NRDC: variants seen among roughly 807,000 people sequenced by gnomAD.
The protein encoded by NRDC is nardilysin.
NRDC carries 54 observed loss-of-function variants against 147.1 expected under a neutral mutation model. That is an observed-to-expected ratio of 0.37 (90% confidence interval 0.29 to 0.46). The LOEUF (loss-of-function observed/expected upper bound fraction) is 0.46. Among genes scored for constraint, NRDC ranks in the 20% least tolerant of loss-of-function variants. NRDC has a pLI of 1.00. For synonymous variants in NRDC, 440 were observed against 482.1 expected (o/e 0.91, Z 1.14); for missense variants, 1,082 against 1,370.6 (o/e 0.79, Z 3.33).
chr1:51,851,599 T>C (rs1270849576), intron 1 of NRDC, among the ~76,000 whole-genome samples: 1 of 152,038 alleles, frequency 6.6e-6, no homozygotes, highest in Non-Finnish European at 1.5e-5. Context: ...CCACAGTATT[T>C]TTTAAGACTC....
chr1:51,806,929 A>G lies in NRDC; in HGVS notation c.1991-16T>C. On this transcript the variant is annotated splice_polypyrimidine_tract_variant and intron_variant, in intron 17 of 30. Transcript: ENST00000352171. The stretch of plus-strand genomic sequence containing the variant: ...AAGTCCGTGGCTAATAAAAGAAGAT[A>G]ATAATAATTCACTCAAGTATTTCAG... The G allele has an allele frequency of 6.2e-7, 1 of 1,610,076 alleles. No homozygotes were observed. The highest frequency in any genetic ancestry group is 8.5e-7 in the Non-Finnish European group (1 of 1,178,714).
chr1:51,836,375 T>C, intron 2 of NRDC, 163 bp from the exon 3 acceptor site: 1 of 1,613,422 alleles, frequency 6.2e-7, no homozygotes, highest in Non-Finnish European at 8.5e-7. Context: ...TCACCAGAAC[T>C]GTGTCAGTTT....
chr1:51,870,782 T>G (rs953304773), intron 1 of NRDC, among the ~76,000 whole-genome samples: 4 of 144,190 alleles, frequency 2.8e-5, no homozygotes, highest in Non-Finnish European at 4.4e-5. Context: ...ACAGACAGTA[T>G]TAATAATTAG....
intron 24 of NRDC, among the ~76,000 whole-genome samples, chr1:51,792,769 T>G (rs1461573579): frequency 6.6e-6 from 1 of 152,178 alleles, no homozygotes; most frequent in Non-Finnish European, 1.5e-5. Context: ...CAGGAAATGT[T>G]TGGGGATCCT....
intron 22 of NRDC, 93 bp downstream of exon 22, chr1:51,798,156 C>T: frequency 7.5e-7 from 1 of 1,337,532 alleles, no homozygotes; most frequent in Non-Finnish European, 1.0e-6. Context: ...GCTGGCCTGC[C>T]AAAACTACAG....
intron 24 of NRDC, 61 bp downstream of exon 24, chr1:51,794,411 C>A: frequency 1.3e-6 from 2 of 1,562,000 alleles, no homozygotes; most frequent in South Asian, 2.3e-5. Context: ...CCTTGAAGGT[C>A]ACGGGGTCCC....
intron 2 of NRDC, among the ~76,000 whole-genome samples, chr1:51,836,710 C>G (rs944666683): frequency 6.6e-6 from 1 of 151,894 alleles, no homozygotes; most frequent in Non-Finnish European, 1.5e-5. Flanking sequence ...AATAAGATAA[C>G]ATTTTAGGAA....
chr1:51,817,002 A>T (rs912319074), intron 10 of NRDC, among the ~76,000 whole-genome samples: 4 of 152,238 alleles, frequency 2.6e-5, no homozygotes, highest in Admixed American at 2.0e-4. Flanking sequence ...AATTGTGCAC[A>T]TGCTGTTCAA....
In NRDC at chr1:51,790,587, C is replaced by T. The variant is rs1445594216; in HGVS notation, c.3114G>A (p.Arg1038=). 1 of 1,614,082 alleles carries T rather than the reference C, an allele frequency of 6.2e-7. No homozygotes were observed. The change falls in exon 29 of 31, where the codon AGG becomes AGA. Residue 1038 remains arginine, a synonymous_variant. Transcript: ENST00000352171. ...EDTHLGEEVD[R]NWNEVVTQQY... is the part of the protein sequence containing the mutation. The stretch of plus-strand genomic sequence containing the variant: ...GCTGTGTAACCACTTCATTCCAGTT[C>T]CTATCCACCTCCTCCCCAAGGTGGG...
At chr1:51,836,004 C>T in intron 3 of NRDC, 127 bp downstream of exon 3, 2 of 719,802 alleles carry the variant, frequency 2.8e-6, no homozygotes, top group Non-Finnish European at 2.4e-6. Flanking sequence ...AGGATTTTTT[C>T]TTAGCCTTTT....
intron 22 of NRDC, 99 bp downstream of exon 22, chr1:51,798,150 G>A: frequency 8.2e-7 from 1 of 1,217,308 alleles, no homozygotes; most frequent in South Asian, 1.4e-5. Context: ...GATAATGCTG[G>A]CCTGCCAAAA....
chr1:51,851,976 T>C (rs1469250414), intron 1 of NRDC, among the ~76,000 whole-genome samples: 2 of 152,172 alleles, frequency 1.3e-5, no homozygotes, highest in Non-Finnish European at 2.9e-5. Flanking sequence ...TTTCCTTCTA[T>C]GGGCAGCTTT....
Position 51,819,883 on chromosome 1 carries a change from A to T in NRDC, c.1218-10T>A. ...TGGTCTGGGTAACCCACTGAAAATA[A>T]AACAAATACATACAAATTTAACTGG... On this transcript the variant is annotated splice_polypyrimidine_tract_variant and intron_variant, in intron 8 of 30. Coordinates refer to ENST00000352171, the MANE Select transcript of NRDC (RefSeq NM_001101662.2). 1 of 1,598,320 alleles carries T rather than the reference A, an allele frequency of 6.3e-7. No individual in the cohort carries two copies. Among genetic ancestry groups the T allele is most frequent in the Middle Eastern group, 2.0e-4 (1 of 4,958 alleles).
intron 1 of NRDC, among the ~76,000 whole-genome samples, chr1:51,855,178 G>T (rs893291038): frequency 6.6e-6 from 1 of 152,108 alleles, no homozygotes. Flanking sequence ...GATTTTGTCT[G>T]TAACTTCTGC....
At chr1:51,878,172 G>A in intron 1 of NRDC, 103 bp downstream of exon 1, 9 of 1,448,086 alleles carry the variant, frequency 6.2e-6, no homozygotes, top group South Asian at 4.0e-5. Flanking sequence ...TGGAAAGTGT[G>A]CCCTGTTGCT....
intron 4 of NRDC, among the ~76,000 whole-genome samples, chr1:51,833,433 T>C (rs1049562740): frequency 7.0e-6 from 1 of 141,898 alleles, no homozygotes; most frequent in Admixed American, 7.2e-5. Context: ...GGCAAGACCA[T>C]ATCTCTTAAA....
At chr1:51,789,541 T>C (rs753030589) in intron 30 of NRDC, 27 bp downstream of exon 30, 2 of 1,598,238 alleles carry the variant, frequency 1.3e-6, no homozygotes, top group Admixed American at 1.7e-5. Flanking sequence ...AACCCTAGAA[T>C]GGATGGAGTT....
intron 4 of NRDC, among the ~76,000 whole-genome samples, chr1:51,829,766 T>C (rs556210023): frequency 4.6e-5 from 7 of 152,276 alleles, no homozygotes; most frequent in African/African-American, 1.4e-4. Flanking sequence ...ATGCTATACT[T>C]GGGTTAATTC....
chr1:51,816,160 T>C, intron 11 of NRDC, 152 bp downstream of exon 11: 1 of 395,370 alleles, frequency 2.5e-6, no homozygotes, highest in Non-Finnish European at 4.5e-6. Context: ...GCCATTAAAA[T>C]AATGTAAGTT....
Sources: allele counts gnomAD v4.1 joint callset (sites outside exome capture counted in the v4.1 genomes callset), GRCh38; gene constraint gnomAD v4.1.1; transcripts MANE v1.5; gene names NCBI Gene and HGNC (gene_info 2026-07-23, HGNC 2026-07-21).